Variants in MTCL2 observed in about 807,000 individuals in gnomAD.
MTCL2 encodes the protein microtubule crosslinking factor 2, also known as microtubule cross-linking factor 2.
the MTCL2 span, among the ~76,000 whole-genome samples, chr20:36,821,885 G>GC: frequency 2.0e-5 from 3 of 152,174 alleles, no homozygotes; most frequent in African/African-American, 7.2e-5. Flanking sequence ...ACCTGCTGGG[G>GC]GGAAGGGAAA....
At chr20:36,791,339 A>C in the MTCL2 span, among the ~76,000 whole-genome samples, 1 of 152,166 alleles carries the variant, frequency 6.6e-6, no homozygotes, top group East Asian at 1.9e-4. Flanking sequence ...GGCCACATTT[A>C]TATTCTATTA....
chr20:36,793,825 G>A, the MTCL2 span: 2 of 1,543,480 alleles, frequency 1.3e-6, no homozygotes. The surrounding 1 kb of genome is among the most constrained non-coding windows in gnomAD (Gnocchi z 6.8). Flanking sequence ...GGGAGGAGGA[G>A]ATCTGCTTGC....
At chr20:36,801,694 G>A in the MTCL2 span, among the ~76,000 whole-genome samples, 1 of 152,276 alleles carries the variant, frequency 6.6e-6, no homozygotes, top group South Asian at 2.1e-4. Context: ...GGCCAGGCGC[G>A]GTGGTTCATG....
chr20:36,784,054 T>C, the MTCL2 span: 1 of 985,460 alleles, frequency 1.0e-6, no homozygotes, highest in Non-Finnish European at 1.2e-6. Context: ...GGTACGATGG[T>C]AAGGCTGAGT....
At chr20:36,786,293 C>A in the MTCL2 span, 1 of 1,285,862 alleles carries the variant, frequency 7.8e-7, no homozygotes, top group Admixed American at 3.2e-5. Flanking sequence ...AAGCTCACCA[C>A]CCAGGGGCCA....
At chr20:36,822,793 T>A in the MTCL2 span, among the ~76,000 whole-genome samples, 1 of 151,858 alleles carries the variant, frequency 6.6e-6, no homozygotes, top group Admixed American at 6.6e-5. Flanking sequence ...GGTCTCACTC[T>A]GTCGCCCAGG....
chr20:36,809,533 G>T, the MTCL2 span, among the ~76,000 whole-genome samples: 1 of 151,800 alleles, frequency 6.6e-6, no homozygotes, highest in East Asian at 1.9e-4. Context: ...ATCCCAGCAG[G>T]GCACAGGGGC....
chr20:36,808,951 G>A, the MTCL2 span, among the ~76,000 whole-genome samples: 1 of 152,208 alleles, frequency 6.6e-6, no homozygotes, highest in Non-Finnish European at 1.5e-5. Flanking sequence ...GAAGGAGCTG[G>A]GATTTGACCC....
At chr20:36,817,892 G>C in the MTCL2 span, among the ~76,000 whole-genome samples, 1 of 152,232 alleles carries the variant, frequency 6.6e-6, no homozygotes, top group African/African-American at 2.4e-5. Context: ...GCTTTGCCCA[G>C]ATTCCCCTTC....
the MTCL2 span, among the ~76,000 whole-genome samples, chr20:36,849,556 T>C: frequency 6.6e-6 from 1 of 152,120 alleles, no homozygotes; most frequent in Non-Finnish European, 1.5e-5. Context: ...CACTTCAGCC[T>C]CCTGAGTAGC....
chr20:36,827,492 T>G, the MTCL2 span, among the ~76,000 whole-genome samples: 1 of 150,014 alleles, frequency 6.7e-6, no homozygotes, highest in African/African-American at 2.5e-5. Flanking sequence ...CCACCACACC[T>G]GGATAATTTT....
At chr20:36,838,645 G>A in the MTCL2 span, among the ~76,000 whole-genome samples, 1 of 152,036 alleles carries the variant, frequency 6.6e-6, no homozygotes, top group East Asian at 1.9e-4. Flanking sequence ...TTAGAGGCTA[G>A]CACCAGGTGG....
chr20:36,832,926 C>T, the MTCL2 span, among the ~76,000 whole-genome samples: 1 of 152,216 alleles, frequency 6.6e-6, no homozygotes, highest in African/African-American at 2.4e-5. Context: ...CCCTGCTCCT[C>T]AGTGAGCCTC....
the MTCL2 span, among the ~76,000 whole-genome samples, chr20:36,838,114 G>A: frequency 4.0e-5 from 6 of 151,308 alleles, no homozygotes; most frequent in South Asian, 2.1e-4. Flanking sequence ...GTGGTGACAC[G>A]ATCTTGGCTC....
the MTCL2 span, chr20:36,815,769 G>A: frequency 6.3e-6 from 10 of 1,590,422 alleles, no homozygotes; most frequent in South Asian, 4.6e-5. The surrounding 1 kb of genome is among the most constrained non-coding windows in gnomAD (Gnocchi z 5.3). Context: ...ACTGTCCTCC[G>A]ACAGCGCCAC....
chr20:36,859,164 T>A, the MTCL2 span, among the ~76,000 whole-genome samples: 1 of 152,170 alleles, frequency 6.6e-6, no homozygotes, highest in Admixed American at 6.5e-5. Flanking sequence ...GGCCACACAG[T>A]AAACGGGAGA....
the MTCL2 span, chr20:36,779,757 G>A: frequency 6.6e-6 from 1 of 152,292 alleles, no homozygotes; most frequent in Non-Finnish European, 1.5e-5. Flanking sequence ...GGGACAAGAA[G>A]CCAGTTACTG....
At chr20:36,812,963 G>C in the MTCL2 span, 1 of 1,232,194 alleles carries the variant, frequency 8.1e-7, no homozygotes, top group Admixed American at 2.6e-5. Flanking sequence ...CCACCCACCT[G>C]AGGGCTGGGA....
At chr20:36,785,487 C>T in the MTCL2 span, 1 of 985,418 alleles carries the variant, frequency 1.0e-6, no homozygotes, top group Non-Finnish European at 1.2e-6. Flanking sequence ...GGGCTCTGGC[C>T]TCTTGGTGTT....
Sources: gnomAD v4.1 joint callset for allele counts (sites outside exome capture counted in the v4.1 genomes callset) on GRCh38, gnomAD v4.1.1 for gene constraint, Gnocchi (gnomAD v3.1) non-coding constraint, MANE v1.5 for transcripts, NCBI Gene and HGNC (gene_info 2026-07-23, HGNC 2026-07-21) for gene names.